The following EVC2 variants were observed in gnomAD, a reference collection of about 807,000 sequenced individuals.
The protein encoded by EVC2 is limbin.
EVC2 carries 148 observed loss-of-function variants against 149.3 expected under a neutral mutation model. The ratio of observed to expected loss-of-function variants is 0.99; its 90% CI spans 0.87 to 1.14. EVC2 has a LOEUF of 1.14. EVC2 is among the 50% of genes most tolerant of loss of function. The pLI is 0.00. For synonymous variants in EVC2, 776 were observed against 649.9 expected (o/e 1.19, Z -2.95); for missense variants, 1,854 against 1,627.3 (o/e 1.14, Z -2.40).
chr4:5,694,002 T>A (rs1355410448), intron 3 of EVC2, among the ~76,000 whole-genome samples: 1 of 152,208 alleles, frequency 6.6e-6, no homozygotes, highest in Non-Finnish European at 1.5e-5. Flanking sequence ...GCTTGTGAAA[T>A]GTTCACTGCT....
At position 5,708,438 on chromosome 4, in the gene EVC2, C is replaced by A. The variant is rs1722362691; in HGVS notation, c.76G>T (p.Gly26Trp). Residue 26 changes from glycine to tryptophan, a missense_variant, in exon 1 of 22, where the codon GGG becomes TGG. Physicochemically the swap from Gly to Trp is radical, Grantham distance 184. Transcript: ENST00000344408. ...GGLLAVALAL[G>W]GRGCLGASSR... Reference sequence around the variant, plus strand: ...CTGGCGCCGAGACAGCCTCGGCCCCCCAGCGCCAGGGCCACTGCCAGGAGA... The same window carrying A: ...CTGGCGCCGAGACAGCCTCGGCCCCACAGCGCCAGGGCCACTGCCAGGAGA... 2.0e-6 allele frequency: 3 copies of A among 1,505,912 alleles called. No individual in the cohort carries two copies. The highest frequency in any genetic ancestry group is 2.6e-6 in the Non-Finnish European group (3 of 1,134,880). 93.3% of individuals were successfully genotyped at this position (1,505,912 alleles called of 1,614,324 possible).
intron 1 of EVC2, among the ~76,000 whole-genome samples, chr4:5,706,369 C>CATAGATACATAG (rs1722159302): frequency 7.9e-4 from 6 of 7,558 alleles, no homozygotes; most frequent in East Asian, 2.3e-3. Context: ...TAGATAGATA[C>CATAGATACATAG]ATAGATAGAT....
chr4:5,609,781 G>A (rs1714680498), intron 16 of EVC2, among the ~76,000 whole-genome samples: 1 of 152,214 alleles, frequency 6.6e-6, no homozygotes, highest in African/African-American at 2.4e-5. Flanking sequence ...ATCAGGGCAT[G>A]TGGTCAGGAG....
chr4:5,656,234 C>A (rs1718511350), intron 9 of EVC2, among the ~76,000 whole-genome samples: 1 of 152,168 alleles, frequency 6.6e-6, no homozygotes, highest in African/African-American at 2.4e-5. Context: ...CCGTTCCCAG[C>A]ATGCCAGTGT....
At chr4:5,577,311 G>T (rs1020390440) in intron 17 of EVC2, among the ~76,000 whole-genome samples, 7 of 152,156 alleles carry the variant, frequency 4.6e-5, no homozygotes, top group African/African-American at 1.7e-4. Flanking sequence ...TGCATTCTTA[G>T]GCCACCAGGA....
At position 5,665,527 on chromosome 4, in the gene EVC2, G is replaced by T; in HGVS notation, c.993C>A (p.Leu331=). The part of the protein sequence containing the change: ...VRYQCLKGNM[L]TRHRVWQYES... ...AGGGAAGACTCACCCGATGTCTGGT[G>T]AGCATGTTTCCCTTCAGACACTGAT... The change falls in exon 8 of 22, where the codon CTC becomes CTA. Residue 331 remains leucine (L), a synonymous_variant. Transcript: ENST00000344408. 6.2e-7 allele frequency: 1 copy of T among 1,614,154 alleles called. No individual in the cohort carries two copies. Among genetic ancestry groups the T allele is most frequent in the Non-Finnish European group, 8.5e-7 (1 of 1,180,028 alleles).
intron 9 of EVC2, among the ~76,000 whole-genome samples, chr4:5,649,066 C>T (rs1174463965): frequency 1.3e-5 from 2 of 152,130 alleles, no homozygotes. Context: ...TTTCCATTCC[C>T]CTGAAAGTCC....
At chr4:5,592,950 T>C (rs1420737714) in intron 16 of EVC2, among the ~76,000 whole-genome samples, 1 of 152,154 alleles carries the variant, frequency 6.6e-6, no homozygotes, top group African/African-American at 2.4e-5. Context: ...AACTGAATCA[T>C]GGGGGTGATT....
chr4:5,617,146 C>G (rs748075261), intron 15 of EVC2, among the ~76,000 whole-genome samples: 11 of 152,162 alleles, frequency 7.2e-5, no homozygotes, highest in Non-Finnish European at 1.5e-4. Flanking sequence ...GTTGTTTCTG[C>G]ATCCACTGGT....
the EVC2 span, among the ~76,000 whole-genome samples, chr4:5,534,999 T>C: frequency 2.0e-5 from 3 of 152,124 alleles, no homozygotes; most frequent in Admixed American, 6.5e-5. Flanking sequence ...GTTTCAAATA[T>C]GTCACCTTGC....
At position 5,604,470 on chromosome 4, in the gene EVC2, G is replaced by A. The variant is rs541262674; in HGVS notation, c.2829+10952C>T. Among the ~76,000 whole-genome samples, 3 of 152,234 alleles carry A rather than the reference G, an allele frequency of 2.0e-5. No homozygotes were observed. In the South Asian group the frequency reaches 6.2e-4, roughly 32 times the overall value. ...AGCCACAGAAAGACAAACATCACATGTTCATACTCATATACGTGAGCAAAA... is the reference window on the plus strand; with the variant it reads ...AGCCACAGAAAGACAAACATCACATATTCATACTCATATACGTGAGCAAAA... On this transcript the variant is annotated intron_variant, in intron 16 of 21. Coordinates refer to ENST00000344408, the MANE Select transcript of EVC2 (RefSeq NM_147127.5).
chr4:5,700,829 A>G (rs1421296379), intron 1 of EVC2, among the ~76,000 whole-genome samples: 3 of 152,174 alleles, frequency 2.0e-5, no homozygotes, highest in Non-Finnish European at 4.4e-5. Flanking sequence ...AGGTCACCAC[A>G]GCCACTCCAA....
chr4:5,704,784 C>T (rs1000320399), intron 1 of EVC2, among the ~76,000 whole-genome samples: 2 of 152,086 alleles, frequency 1.3e-5, no homozygotes, highest in Non-Finnish European at 2.9e-5. Flanking sequence ...TAGCTCACTG[C>T]ATCCTCGAAC....
At chr4:5,586,411 C>A (rs1051367429) in intron 16 of EVC2, among the ~76,000 whole-genome samples, 1 of 152,094 alleles carries the variant, frequency 6.6e-6, no homozygotes, top group Non-Finnish European at 1.5e-5. Context: ...TCTAAGCCCC[C>A]CCTCAACCAT....
intron 16 of EVC2, among the ~76,000 whole-genome samples, chr4:5,611,434 C>T (rs1206367617): frequency 6.6e-6 from 1 of 151,894 alleles, no homozygotes; most frequent in Non-Finnish European, 1.5e-5. Flanking sequence ...GTGTACTAAG[C>T]CTATTTAATT....
chr4:5,551,331 G>T (rs1359856138), intron 21 of EVC2, among the ~76,000 whole-genome samples: 1 of 152,208 alleles, frequency 6.6e-6, no homozygotes, highest in South Asian at 2.1e-4. Context: ...CTCACCTCTT[G>T]CAACAGCATG....
rs142672777 is a variant in EVC2 at position 5,645,128 on chromosome 4, T to C, written c.1146-4290A>G. Among the ~76,000 whole-genome samples, 180 of 152,340 alleles carry C rather than the reference T, an allele frequency of 1.2e-3. 1 individual carries two copies. The highest frequency in any genetic ancestry group is 6.8e-3 in the Middle Eastern group (2 of 294). On this transcript the variant is annotated intron_variant, in intron 9 of 21. Transcript: ENST00000344408. ...ATGGTACTATATTCATACTGTGTGC[T>C]TCCTTTACGGCCATACTATAAGGTA...
chr4:5,631,204 T>A (rs1159849719), intron 11 of EVC2, among the ~76,000 whole-genome samples: 3 of 152,182 alleles, frequency 2.0e-5, no homozygotes, highest in Non-Finnish European at 4.4e-5. Context: ...TACATATACA[T>A]CAATACATGC....
chr4:5,687,425 G>C (rs1275670070), intron 5 of EVC2, among the ~76,000 whole-genome samples: 1 of 152,128 alleles, frequency 6.6e-6, no homozygotes, highest in Middle Eastern at 3.2e-3. Context: ...AGGAGAGATG[G>C]AGAGCCAAGG....
Sources: allele counts gnomAD v4.1 joint callset (sites outside exome capture counted in the v4.1 genomes callset), GRCh38; gene constraint gnomAD v4.1.1; transcripts MANE v1.5; gene names NCBI Gene and HGNC (gene_info 2026-07-23, HGNC 2026-07-21).